The following PTPRN2 variants were observed in gnomAD, a reference collection of about 807,000 sequenced individuals.
PTPRN2 encodes the protein protein tyrosine phosphatase receptor type N2.
PTPRN2 carries 74 observed loss-of-function variants against 118.8 expected under a neutral mutation model. That is an observed-to-expected ratio of 0.62 (90% CI 0.52 to 0.76). The LOEUF (loss-of-function observed/expected upper bound fraction) is 0.76, where lower values mean the gene tolerates loss of function less well. Among genes scored for constraint, PTPRN2 ranks in the 30% least tolerant of loss-of-function variants. PTPRN2 has a pLI of 0.00. For synonymous variants in PTPRN2, 641 were observed against 608.0 expected, an observed-to-expected ratio of 1.05 and a Z score of -0.80; for missense variants, 1,481 against 1,394.4, an observed-to-expected ratio of 1.06 and a Z score of -0.99.
intron 6 of PTPRN2, among the ~76,000 whole-genome samples, chr7:158,156,556 C>G (rs940288610): frequency 5.9e-5 from 9 of 152,188 alleles, no homozygotes. Context: ...ACAGTTACCT[C>G]GAAAAGTTCT....
In PTPRN2 at chr7:158,570,725, A is replaced by C. The variant is rs1399873925; in HGVS notation, c.112+16833T>G. 6.6e-6 allele frequency among the ~76,000 whole-genome samples: 1 copy of C among 152,220 alleles called. No homozygotes were observed. Among genetic ancestry groups the C allele is most frequent in the East Asian group, 1.9e-4 (1 of 5,200 alleles). On this transcript the variant is annotated intron_variant, in intron 1 of 22. Coordinates refer to ENST00000389418, the MANE Select transcript of PTPRN2 (RefSeq NM_002847.5). The surrounding 1 kb of genome is among the most constrained non-coding windows in gnomAD (Gnocchi z 4.5). ...GGTTTGCAACGCCGAGAGCCCGCGG[A>C]GAAGCTTGAGCCTGTGAGCCCCCGT...
chr7:157,838,684 C>T (rs1448519189), intron 12 of PTPRN2, among the ~76,000 whole-genome samples: 1 of 17,096 alleles, frequency 5.8e-5, no homozygotes, highest in Non-Finnish European at 9.9e-5. Context: ...CAGTTCCTCT[C>T]GTAGTGGATG....
intron 5 of PTPRN2, among the ~76,000 whole-genome samples, chr7:158,181,190 G>A (rs28793001): frequency 3.3e-5 from 5 of 152,138 alleles, no homozygotes; most frequent in African/African-American, 1.2e-4. Flanking sequence ...TGCATCTATT[G>A]AGATAATCGT....
Position 157,669,300 on chromosome 7 carries a change from G to T in PTPRN2, c.2002-12749C>A, listed in dbSNP as rs545556220. On this transcript the variant is annotated intron_variant, in intron 13 of 22. Coordinates refer to ENST00000389418, the MANE Select transcript of PTPRN2 (RefSeq NM_002847.5). ...GTGATCTAAGCCGGGGACGTCCTCGGCTCATGGCCCACGTGGCCAACGCTG... is the reference window on the plus strand; with the variant it reads ...GTGATCTAAGCCGGGGACGTCCTCGTCTCATGGCCCACGTGGCCAACGCTG... Among the ~76,000 whole-genome samples the T allele has an allele frequency of 5.3e-5, 8 of 152,364 alleles. No homozygotes were observed. In the East Asian group the frequency reaches 1.3e-3, roughly 26 times the overall value.
At chr7:158,087,522 A>G (rs1237944200) in intron 10 of PTPRN2, among the ~76,000 whole-genome samples, 3 of 152,240 alleles carry the variant, frequency 2.0e-5, no homozygotes, top group Non-Finnish European at 4.4e-5. Context: ...GGTGACTCCT[A>G]TTTAGGGTGG....
intron 4 of PTPRN2, among the ~76,000 whole-genome samples, chr7:158,198,999 T>C (rs1826426142): frequency 1.3e-5 from 2 of 152,080 alleles, no homozygotes; most frequent in East Asian, 3.9e-4. Flanking sequence ...GCTTCTCAGA[T>C]CCTCCTTAGC....
intron 2 of PTPRN2, among the ~76,000 whole-genome samples, chr7:158,440,769 A>G: frequency 1.8e-5 from 2 of 108,996 alleles, no homozygotes; most frequent in African/African-American, 3.7e-5. Flanking sequence ...TGGTGATGTT[A>G]GTGATAGTGG....
At chr7:158,289,728 TTTGTTGTTG>T (rs141044075) in intron 3 of PTPRN2, among the ~76,000 whole-genome samples, 20 of 151,864 alleles carry the variant, frequency 1.3e-4, no homozygotes, top group Admixed American at 5.9e-4. Flanking sequence ...GTTTTTCATG[TTTGTTGTTG>T]TTGTTGTTGT....
At chr7:157,984,250 TCCCCACGCCAGGCTCCACCC>T (rs1803548326) in intron 11 of PTPRN2, among the ~76,000 whole-genome samples, 1 of 53,216 alleles carries the variant, frequency 1.9e-5, no homozygotes, top group African/African-American at 8.3e-5. Context: ...AGGCTCCACC[TCCCCACGCCAGGCTCCACCC>T]CCCACGCCAG....
intron 1 of PTPRN2, among the ~76,000 whole-genome samples, chr7:158,581,422 G>A (rs1739058115): frequency 6.6e-6 from 1 of 152,284 alleles, no homozygotes; most frequent in African/African-American, 2.4e-5. Flanking sequence ...GAGCACACTG[G>A]GAAGTTTTGG....
rs140858951 is a variant in PTPRN2, at chr7:158,087,453, A to C, written c.1644-6076T>G. 4.1e-4 allele frequency among the ~76,000 whole-genome samples: 63 copies of C among 152,366 alleles called. 1 individual carries two copies. Among genetic ancestry groups the C allele is most frequent in the African/African-American group, 1.5e-3 (62 of 41,592 alleles). On this transcript the variant is annotated intron_variant, in intron 10 of 22. Transcript: ENST00000389418. ...GATGCAAGAGCAGGAAGAGTTTCTGAGTCACTGTTCCTGGGAGAACCATCC... is the reference window on the plus strand; with the variant it reads ...GATGCAAGAGCAGGAAGAGTTTCTGCGTCACTGTTCCTGGGAGAACCATCC...
chr7:158,578,951 C>G (rs1187444789), intron 1 of PTPRN2, among the ~76,000 whole-genome samples: 1 of 152,034 alleles, frequency 6.6e-6, no homozygotes, highest in South Asian at 2.1e-4. Flanking sequence ...TTAGTAGAGA[C>G]GGGGTTTCAC....
chr7:157,651,861 G>T (rs914898051), intron 14 of PTPRN2, among the ~76,000 whole-genome samples: 1 of 152,196 alleles, frequency 6.6e-6, no homozygotes, highest in African/African-American at 2.4e-5. Flanking sequence ...CGTTTCCAGA[G>T]AAATGTACCG....
chr7:158,102,647 A>C (rs550198321), intron 10 of PTPRN2, among the ~76,000 whole-genome samples: 1 of 152,310 alleles, frequency 6.6e-6, no homozygotes, highest in South Asian at 2.1e-4. Flanking sequence ...GAGAGGCAGA[A>C]GGGGGTGTGG....
At chr7:157,838,184 G>T (rs966603545) in intron 12 of PTPRN2, among the ~76,000 whole-genome samples, 1 of 149,594 alleles carries the variant, frequency 6.7e-6, no homozygotes, top group Non-Finnish European at 1.5e-5. Context: ...TCCTCTCATA[G>T]TGGATGGTAC....
chr7:158,055,859 G>A (rs1041248321), intron 11 of PTPRN2, among the ~76,000 whole-genome samples: 8 of 125,634 alleles, frequency 6.4e-5, no homozygotes, highest in African/African-American at 2.8e-4. Context: ...TGTCCCCAGG[G>A]CCCAGCTCTT....
intron 11 of PTPRN2, among the ~76,000 whole-genome samples, chr7:157,945,623 A>C (rs1255783920): frequency 6.6e-6 from 1 of 151,876 alleles, no homozygotes; most frequent in Non-Finnish European, 1.5e-5. Context: ...TGGCGCCTCC[A>C]GCTTGGACGA....
intron 2 of PTPRN2, among the ~76,000 whole-genome samples, chr7:158,371,978 CTG>C (rs955331226): frequency 5.3e-5 from 8 of 152,234 alleles, no homozygotes; most frequent in African/African-American, 1.4e-4. Flanking sequence ...GGATGAGGTT[CTG>C]TGAGTCACGC....
intron 15 of PTPRN2, chr7:157,614,192 A>C: frequency 2.2e-6 from 1 of 453,088 alleles, no homozygotes; most frequent in South Asian, 1.6e-5. Flanking sequence ...GCTCAGGGCC[A>C]AGGCAGGGTT....
Sources: gnomAD v4.1 joint callset for allele counts (sites outside exome capture counted in the v4.1 genomes callset) on GRCh38, gnomAD v4.1.1 for gene constraint, Gnocchi (gnomAD v3.1) non-coding constraint, MANE v1.5 for transcripts, NCBI Gene and HGNC (gene_info 2026-07-23, HGNC 2026-07-21) for gene names.